Variants in RBFOX1 observed in about 807,000 individuals in gnomAD.
RBFOX1 encodes RNA binding protein fox-1 homolog 1.
In RBFOX1, 8 loss-of-function variants were observed where a neutral mutation model predicts 57.7. That is an observed-to-expected ratio of 0.14 (90% CI 0.08 to 0.25). The LOEUF (loss-of-function observed/expected upper bound fraction) is 0.25, where lower values mean the gene tolerates loss of function less well. Among genes scored for constraint, RBFOX1 ranks in the 10% least tolerant of loss-of-function variants. The probability of loss-of-function intolerance (pLI) is 1.00; values close to 1 mark genes in which losing one functional copy is unlikely to be tolerated. For synonymous variants in RBFOX1, 326 were observed against 222.4 expected (o/e 1.47, Z -4.15); for missense variants, 611 against 548.5 (o/e 1.11, Z -1.14).
intron 2 of RBFOX1, among the ~76,000 whole-genome samples, chr16:6,463,701 G>A (rs1288718338): frequency 6.6e-6 from 1 of 152,202 alleles, no homozygotes; most frequent in Non-Finnish European, 1.5e-5. Flanking sequence ...TTACAGCCAT[G>A]TTTAGCTTGG....
At chr16:5,457,710 G>T (rs1177558795) in intron 1 of RBFOX1, among the ~76,000 whole-genome samples, 4 of 152,210 alleles carry the variant, frequency 2.6e-5, no homozygotes, top group African/African-American at 9.6e-5. Flanking sequence ...ACCCACCCCT[G>T]TAACTGGGTT....
chr16:7,251,404 C>CGT (rs1011572004), intron 4 of RBFOX1, among the ~76,000 whole-genome samples: 2 of 94,184 alleles, frequency 2.1e-5, no homozygotes, highest in African/African-American at 1.1e-4. Flanking sequence ...TACTTCTGTC[C>CGT]GTTTTTTTTT....
At chr16:7,549,138 T>C (rs562557516) in intron 5 of RBFOX1, among the ~76,000 whole-genome samples, 1 of 152,232 alleles carries the variant, frequency 6.6e-6, no homozygotes, top group East Asian at 1.9e-4. Context: ...AGGCAGAGGT[T>C]CCAGAGAGAA....
intron 4 of RBFOX1, among the ~76,000 whole-genome samples, chr16:5,973,156 A>G (rs750077632): frequency 6.6e-6 from 1 of 152,224 alleles, no homozygotes; most frequent in Non-Finnish European, 1.5e-5. Flanking sequence ...TAAATGTGAT[A>G]TCTATATTTA....
chr16:6,531,500 G>T (rs920870771), intron 2 of RBFOX1, among the ~76,000 whole-genome samples: 1 of 152,140 alleles, frequency 6.6e-6, no homozygotes, highest in Admixed American at 6.5e-5. Context: ...GTGGGAAAAT[G>T]GTGAAATATT....
chr16:6,222,962 G>C (rs149554053), intron 1 of RBFOX1, among the ~76,000 whole-genome samples: 3,287 of 151,294 alleles, frequency 0.022, 111 homozygotes, highest in African/African-American at 0.072. Flanking sequence ...TTGGTTTGTT[G>C]TCCTTGCGAT....
At chr16:5,396,130 T>G (rs138051000) in intron 1 of RBFOX1, among the ~76,000 whole-genome samples, 1 of 152,204 alleles carries the variant, frequency 6.6e-6, no homozygotes, top group Non-Finnish European at 1.5e-5. Flanking sequence ...TAATCTGTTA[T>G]GTAGCAAATC....
intron 8 of RBFOX1, among the ~76,000 whole-genome samples, chr16:7,596,947 T>A (rs1251050895): frequency 1.3e-5 from 2 of 152,224 alleles, no homozygotes; most frequent in African/African-American, 4.8e-5. Flanking sequence ...TGTCCCTTTT[T>A]TTGACATTTA....
chr16:7,330,789 C>T (rs770315438), intron 4 of RBFOX1, among the ~76,000 whole-genome samples: 9 of 152,032 alleles, frequency 5.9e-5, no homozygotes, highest in Non-Finnish European at 1.2e-4. Flanking sequence ...TTTGATCTGA[C>T]ACAGGCCTTA....
intron 1 of RBFOX1, among the ~76,000 whole-genome samples, chr16:6,043,173 G>T (rs553036684): frequency 2.2e-5 from 3 of 133,858 alleles, no homozygotes; most frequent in Admixed American, 7.7e-5. Flanking sequence ...GATAAGGGGC[G>T]TTGTGGAAAC....
chr16:7,234,594 G>GTA (rs566833186), intron 4 of RBFOX1, among the ~76,000 whole-genome samples: 8,704 of 150,060 alleles, frequency 0.058, 688 homozygotes, highest in African/African-American at 0.18. Flanking sequence ...ACATATGTGT[G>GTA]TGTGTGTGTG....
At chr16:5,525,491 ATTT>A (rs71404528) in intron 2 of RBFOX1, among the ~76,000 whole-genome samples, 93 of 78,266 alleles carry the variant, frequency 1.2e-3, no homozygotes, top group Middle Eastern at 8.5e-3. Flanking sequence ...AGCCGACACT[ATTT>A]TTTTTTTTTT....
At chr16:6,579,165 C>G (rs535696122) in intron 2 of RBFOX1, among the ~76,000 whole-genome samples, 8 of 152,220 alleles carry the variant, frequency 5.3e-5, no homozygotes, top group African/African-American at 1.9e-4. Flanking sequence ...CCAAGCTGTT[C>G]ATGCTTAGTT....
chr16:7,176,630 G>C (rs115228766), intron 4 of RBFOX1, among the ~76,000 whole-genome samples: 3,052 of 152,160 alleles, frequency 0.02, 107 homozygotes, highest in African/African-American at 0.069. Context: ...CTATATGGGT[G>C]GCAAAGCCTG....
At chr16:6,327,944 G>C (rs144392800) in intron 2 of RBFOX1, among the ~76,000 whole-genome samples, 1 of 152,082 alleles carries the variant, frequency 6.6e-6, no homozygotes, top group Non-Finnish European at 1.5e-5. Context: ...TTTATGGGGC[G>C]TACACTCAGA....
intron 4 of RBFOX1, among the ~76,000 whole-genome samples, chr16:7,215,768 A>T (rs559262480): frequency 4.4e-5 from 6 of 136,336 alleles, no homozygotes; most frequent in African/African-American, 1.8e-4. Context: ...TCTGTTGTCC[A>T]GGCGGGAGTG....
intron 2 of RBFOX1, among the ~76,000 whole-genome samples, chr16:6,382,484 G>A (rs1252343952): frequency 6.6e-6 from 1 of 152,226 alleles, no homozygotes; most frequent in Non-Finnish European, 1.5e-5. Context: ...AGTGTGACCT[G>A]GAGCCAGTTT....
chr16:5,251,000 C>A (rs955097024), intron 1 of RBFOX1, among the ~76,000 whole-genome samples: 5 of 152,184 alleles, frequency 3.3e-5, no homozygotes, highest in Non-Finnish European at 7.3e-5. Context: ...CCTCTGTAGA[C>A]ATCATCTTCT....
chr16:6,477,219 T>C (rs753951284), intron 2 of RBFOX1, among the ~76,000 whole-genome samples: 6 of 152,240 alleles, frequency 3.9e-5, no homozygotes, highest in Admixed American at 6.5e-5. Context: ...TAATGGCATC[T>C]CAAAAGCGAA....
Sources: gnomAD v4.1 joint callset for allele counts (sites outside exome capture counted in the v4.1 genomes callset) on GRCh38, gnomAD v4.1.1 for gene constraint, MANE v1.5 for transcripts, NCBI Gene and HGNC (gene_info 2026-07-23, HGNC 2026-07-21) for gene names.